The following WDR70 variants were observed in gnomAD, a reference collection of about 807,000 sequenced individuals.
WDR70 encodes WD repeat domain 70, also known as WD repeat-containing protein 70.
Under a neutral mutation model 88.6 loss-of-function variants are expected in WDR70, and 53 were observed. The ratio of observed to expected loss-of-function variants is 0.60; its 90% CI spans 0.48 to 0.75. The LOEUF (loss-of-function observed/expected upper bound fraction) is 0.75. Ranked by LOEUF, WDR70 falls within the 30% of genes least tolerant of loss-of-function variation. The pLI is 0.00. For missense variants in WDR70, 610 were observed against 823.2 expected (o/e 0.74, Z 3.17); for synonymous variants, 280 against 270.0 (o/e 1.04, Z -0.36).
chr5:37,428,170 A>G (rs552776884), intron 5 of WDR70, among the ~76,000 whole-genome samples: 23 of 152,230 alleles, frequency 1.5e-4, no homozygotes, highest in Admixed American at 4.6e-4. Flanking sequence ...AACTAATTCT[A>G]TCAGGCTTTT....
At chr5:37,423,246 A>G (rs1312821226) in intron 5 of WDR70, among the ~76,000 whole-genome samples, 1 of 152,220 alleles carries the variant, frequency 6.6e-6, no homozygotes, top group East Asian at 1.9e-4. Flanking sequence ...TGAAGGTTAC[A>G]AGTGGAGTTA....
At chr5:37,569,804 G>T (rs757742607) in intron 9 of WDR70, among the ~76,000 whole-genome samples, 2 of 152,178 alleles carry the variant, frequency 1.3e-5, no homozygotes, top group Non-Finnish European at 2.9e-5. Context: ...TGAGGGATCA[G>T]TGTTCCCCTG....
chr5:37,725,097 G>C (rs780673750), intron 16 of WDR70, 47 bp downstream of exon 16: 2 of 1,540,446 alleles, frequency 1.3e-6, no homozygotes, highest in South Asian at 1.1e-5. Context: ...TCAGAGGCAG[G>C]GTGGGGTAAT....
rs767675142 is a variant in WDR70, at chr5:37,396,440, C to G, written c.362C>G (p.Pro121Arg). The change falls in exon 5 of 18, where the codon CCT becomes CGT. Residue 121 changes from proline to arginine, a missense_variant. Physicochemically the swap from Pro to Arg is moderately radical, Grantham distance 103. Transcript: ENST00000265107. ...TCTGATGATGAGTTAATTGGCCCTCCTTTACCCCCTAAAATGGTAGGAAAA... is the reference window on the plus strand; with the variant it reads ...TCTGATGATGAGTTAATTGGCCCTCGTTTACCCCCTAAAATGGTAGGAAAA... ...DSSDDELIGP[P>R]LPPKMVGKPV... 1 of 1,614,022 alleles carries G rather than the reference C, an allele frequency of 6.2e-7. No homozygotes were observed. The highest frequency in any genetic ancestry group is 8.5e-7 in the Non-Finnish European group (1 of 1,179,994).
chr5:37,688,854 G>A (rs1398577841), intron 10 of WDR70, among the ~76,000 whole-genome samples: 2 of 139,344 alleles, frequency 1.4e-5, no homozygotes, highest in Non-Finnish European at 3.2e-5. Flanking sequence ...GCAGCCCATG[G>A]AGGGGGCAAG....
At chr5:37,671,750 T>C (rs558344827) in intron 10 of WDR70, among the ~76,000 whole-genome samples, 1 of 152,314 alleles carries the variant, frequency 6.6e-6, no homozygotes, top group African/African-American at 2.4e-5. Context: ...CTACTGGATA[T>C]AAACTGACTG....
At chr5:37,539,151 G>A (rs1741744290) in intron 9 of WDR70, among the ~76,000 whole-genome samples, 1 of 152,136 alleles carries the variant, frequency 6.6e-6, no homozygotes, top group Non-Finnish European at 1.5e-5. Context: ...TCCATATCCA[G>A]CTAATTGTCA....
intron 9 of WDR70, among the ~76,000 whole-genome samples, chr5:37,601,005 C>T (rs539330126): frequency 6.6e-6 from 1 of 152,288 alleles, no homozygotes; most frequent in Non-Finnish European, 1.5e-5. Flanking sequence ...AATTTCACTT[C>T]TTTCCTATTT....
intron 10 of WDR70, among the ~76,000 whole-genome samples, chr5:37,677,106 C>G (rs999589368): frequency 6.6e-6 from 1 of 151,922 alleles, no homozygotes; most frequent in African/African-American, 2.4e-5. Flanking sequence ...TTTATTGCAT[C>G]TATTTGATTC....
intron 6 of WDR70, among the ~76,000 whole-genome samples, chr5:37,441,206 A>G (rs1445492178): frequency 6.6e-6 from 1 of 152,254 alleles, no homozygotes; most frequent in African/African-American, 2.4e-5. Context: ...TGGTGGTAGC[A>G]GAAGTCACTT....
chr5:37,553,343 C>G (rs1270282025), intron 9 of WDR70, among the ~76,000 whole-genome samples: 1 of 152,152 alleles, frequency 6.6e-6, no homozygotes, highest in Non-Finnish European at 1.5e-5. Context: ...CTTCTCTGGC[C>G]TTCTTATCTT....
Position 37,403,087 on chromosome 5 carries a change from C to T in WDR70, c.492+6517C>T, listed in dbSNP as rs373751132. ...TCAGCCTCCTGAGTAGCTGGGATTA[C>T]AGGTGTGCACCACCACGCCTGGCTA... On this transcript the variant is annotated intron_variant, in intron 5 of 17. Transcript: ENST00000265107. 2.8e-4 allele frequency among the ~76,000 whole-genome samples: 42 copies of T among 151,582 alleles called. 1 individual carries two copies. In the Middle Eastern group the frequency reaches 0.01, roughly 37 times the overall value.
intron 10 of WDR70, among the ~76,000 whole-genome samples, chr5:37,672,749 G>A (rs1185318962): frequency 6.6e-6 from 1 of 152,058 alleles, no homozygotes; most frequent in Non-Finnish European, 1.5e-5. Flanking sequence ...GCCGGTGCAG[G>A]TCCTCCATAT....
intron 9 of WDR70, among the ~76,000 whole-genome samples, chr5:37,599,111 A>G (rs1359407132): frequency 6.6e-6 from 1 of 152,252 alleles, no homozygotes; most frequent in Non-Finnish European, 1.5e-5. Context: ...GAGTGATATA[A>G]AAGTCTAAAA....
At chr5:37,636,143 A>G (rs549882344) in intron 10 of WDR70, among the ~76,000 whole-genome samples, 2 of 152,308 alleles carry the variant, frequency 1.3e-5, no homozygotes, top group South Asian at 2.1e-4. Context: ...TCAAGTTGGG[A>G]TAATTTGTTT....
In WDR70 at chr5:37,728,935, G is replaced by T. The variant is rs548526443; in HGVS notation, c.1877+1890G>T. Among the ~76,000 whole-genome samples, 3 of 152,186 alleles carry T rather than the reference G, an allele frequency of 2.0e-5. No individual in the cohort carries two copies. The South Asian group carries it at 6.2e-4, about 32-fold the overall frequency. ...AATTGGAATTCTACCTAGAGGAAAAGTTGTTCCTTCTCCCACATTTTTTTA... is the reference window on the plus strand; with the variant it reads ...AATTGGAATTCTACCTAGAGGAAAATTTGTTCCTTCTCCCACATTTTTTTA... On this transcript the variant is annotated intron_variant, in intron 17 of 17. Coordinates refer to ENST00000265107, the MANE Select transcript of WDR70 (RefSeq NM_018034.4).
At chr5:37,731,514 C>T (rs1251552588) in intron 17 of WDR70, among the ~76,000 whole-genome samples, 1 of 152,124 alleles carries the variant, frequency 6.6e-6, no homozygotes, top group Admixed American at 6.5e-5. Context: ...GTCAACACAT[C>T]ATTGGCAGTC....
intron 10 of WDR70, among the ~76,000 whole-genome samples, chr5:37,653,389 C>T (rs1745460538): frequency 6.6e-6 from 1 of 151,950 alleles, no homozygotes; most frequent in Non-Finnish European, 1.5e-5. Flanking sequence ...AGGGATTTGG[C>T]CTGAAATTTT....
In WDR70 at chr5:37,443,385, T is replaced by C; in HGVS notation, c.686+13T>C. The C allele has an allele frequency of 1.2e-6, 2 of 1,613,106 alleles. No homozygotes were observed. The highest frequency in any genetic ancestry group is 1.7e-6 in the Non-Finnish European group (2 of 1,179,630). On this transcript the variant is annotated intron_variant, in intron 7 of 17. Transcript: ENST00000265107. The stretch of plus-strand genomic sequence containing the variant: ...AGCCCTGTGAGTGGTATGTATTCAC[T>C]TACTTAATATCTTCATATTTGACCT...
Sources: gnomAD v4.1 joint callset for allele counts (sites outside exome capture counted in the v4.1 genomes callset) on GRCh38, gnomAD v4.1.1 for gene constraint, MANE v1.5 for transcripts, NCBI Gene and HGNC (gene_info 2026-07-23, HGNC 2026-07-21) for gene names.